The following MGAT4C variants were observed in gnomAD, a reference collection of about 807,000 sequenced individuals.
The protein encoded by MGAT4C is MGAT4 family member C.
MGAT4C carries 19 observed loss-of-function variants against 40.1 expected under a neutral mutation model. That is an observed-to-expected ratio of 0.47 (90% CI 0.33 to 0.70). The LOEUF (loss-of-function observed/expected upper bound fraction) is 0.70, where lower values mean the gene tolerates loss of function less well. MGAT4C is among the 30% of genes least tolerant of loss of function. MGAT4C has a pLI of 0.02. For missense variants in MGAT4C, 491 were observed against 563.2 expected (o/e 0.87, Z 1.30); for synonymous variants, 181 against 187.1 (o/e 0.97, Z 0.27).
intron 3 of MGAT4C, among the ~76,000 whole-genome samples, chr12:85,987,892 A>G (rs1393742696): frequency 6.6e-6 from 1 of 152,212 alleles, no homozygotes; most frequent in Non-Finnish European, 1.5e-5. Context: ...TACTTCTACC[A>G]GTAGACACAG....
At chr12:85,984,768 T>G (rs1343310001) in intron 3 of MGAT4C, among the ~76,000 whole-genome samples, 1 of 151,812 alleles carries the variant, frequency 6.6e-6, no homozygotes, top group African/African-American at 2.4e-5. Context: ...TACTATGTGG[T>G]TTTATTTATT....
intron 2 of MGAT4C, among the ~76,000 whole-genome samples, chr12:86,025,587 A>T (rs1289865773): frequency 6.6e-6 from 1 of 151,790 alleles, no homozygotes; most frequent in Non-Finnish European, 1.5e-5. Context: ...TAACATAAAG[A>T]TAGGGAAAAT....
rs1476000238 is a variant in MGAT4C at position 86,755,305 on chromosome 12, A to G, written c.-261-28064T>C. On this transcript the variant is annotated intron_variant, in intron 1 of 7. Transcript: ENST00000548651. ...TGTTAGCCCCACAACCATATGAGCC[A>G]CCTCCTTACAATAAATATTGTAATA... Among the ~76,000 whole-genome samples the G allele has an allele frequency of 6.6e-5, 10 of 152,234 alleles. No homozygotes were observed. In the South Asian group the frequency reaches 1.0e-3, roughly 16 times the overall value.
chr12:86,502,283 A>C (rs980323519), intron 2 of MGAT4C, among the ~76,000 whole-genome samples: 3 of 152,114 alleles, frequency 2.0e-5, no homozygotes. Context: ...ACTCTGTGAC[A>C]TTTTGGAAAG....
chr12:86,745,726 ATCT>A (rs1378084420), intron 1 of MGAT4C, among the ~76,000 whole-genome samples: 1 of 151,654 alleles, frequency 6.6e-6, no homozygotes, highest in Non-Finnish European at 1.5e-5. Context: ...CCATTAAAGT[ATCT>A]TCTTTTTAAT....
intron 2 of MGAT4C, among the ~76,000 whole-genome samples, chr12:86,584,669 C>T (rs532892295): frequency 5.3e-5 from 8 of 151,304 alleles, no homozygotes; most frequent in South Asian, 4.1e-4. Flanking sequence ...TCATTCAATG[C>T]GTATATATAC....
intron 2 of MGAT4C, among the ~76,000 whole-genome samples, chr12:86,498,145 T>C (rs1214192466): frequency 6.6e-6 from 1 of 151,246 alleles, no homozygotes; most frequent in Non-Finnish European, 1.5e-5. Flanking sequence ...TCACCAATAC[T>C]TTCTTTGGGG....
intron 2 of MGAT4C, among the ~76,000 whole-genome samples, chr12:86,535,781 T>C (rs1959058235): frequency 1.3e-5 from 2 of 152,096 alleles, no homozygotes; most frequent in Admixed American, 1.3e-4. Context: ...GAGTTTGGGA[T>C]TATCACATTT....
At chr12:86,689,913 C>A (rs2136595369) in intron 2 of MGAT4C, among the ~76,000 whole-genome samples, 1 of 152,310 alleles carries the variant, frequency 6.6e-6, no homozygotes, top group African/African-American at 2.4e-5. Flanking sequence ...GCTTAGCCCA[C>A]AACAACCCCT....
intron 1 of MGAT4C, among the ~76,000 whole-genome samples, chr12:86,211,551 T>A (rs1950470170): frequency 6.6e-6 from 1 of 151,222 alleles, no homozygotes; most frequent in Non-Finnish European, 1.5e-5. Flanking sequence ...TGCTCCACTG[T>A]GCTGCGGGCT....
At chr12:86,467,567 T>C (rs1957699833) in intron 2 of MGAT4C, among the ~76,000 whole-genome samples, 2 of 152,278 alleles carry the variant, frequency 1.3e-5, no homozygotes, top group South Asian at 4.1e-4. Context: ...GAGTTGCTTT[T>C]TTTATGTGTT....
chr12:86,774,319 C>CTTTCTTTCTTTCTTTCTTTCTT lies in MGAT4C; in HGVS notation c.-261-47079_-261-47078insAAGAAAGAAAGAAAGAAAGAAA, dbSNP rs1555227779. On this transcript the variant is annotated intron_variant, in intron 1 of 7. Coordinates refer to the MGAT4C transcript ENST00000548651. The stretch of plus-strand genomic sequence containing the variant: ...TCTTTCTTTCTTTCTTTCTTTCTTT[C>CTTTCTTTCTTTCTTTCTTTCTT]TTTCTTTCTTTCTTTCTTTCTGTCT... 1.6e-4 allele frequency among the ~76,000 whole-genome samples: 15 copies of CTTTCTTTCTTTCTTTCTTTCTT among 93,712 alleles called. 1 individual carries two copies. The highest frequency in any genetic ancestry group is 4.2e-4 in the South Asian group (1 of 2,362). The allele number at this position is 93,712 out of a possible 152,430, so 61.5% of individuals were successfully genotyped here.
At chr12:86,092,546 T>C (rs559989431) in intron 1 of MGAT4C, among the ~76,000 whole-genome samples, 3 of 152,248 alleles carry the variant, frequency 2.0e-5, no homozygotes, top group African/African-American at 7.2e-5. Context: ...AATATGAATA[T>C]GCAAAATATG....
At chr12:86,440,471 A>G (rs981084695) in intron 2 of MGAT4C, among the ~76,000 whole-genome samples, 4 of 152,108 alleles carry the variant, frequency 2.6e-5, no homozygotes, top group African/African-American at 9.7e-5. Flanking sequence ...CATAGAAGGA[A>G]CATACCTCAA....
At chr12:86,190,086 C>G (rs980397982) in intron 1 of MGAT4C, among the ~76,000 whole-genome samples, 1 of 151,906 alleles carries the variant, frequency 6.6e-6, no homozygotes, top group Non-Finnish European at 1.5e-5. Context: ...TAAATTGCAG[C>G]TTATCAGTGG....
chr12:85,981,491 G>A (rs1245349258), intron 4 of MGAT4C, among the ~76,000 whole-genome samples: 4 of 151,966 alleles, frequency 2.6e-5, no homozygotes, highest in South Asian at 2.1e-4. Flanking sequence ...TACACATTTC[G>A]TTTAAATACC....
chr12:86,296,315 A>T (rs975547355), intron 4 of MGAT4C, among the ~76,000 whole-genome samples: 2 of 152,118 alleles, frequency 1.3e-5, no homozygotes, highest in Admixed American at 6.5e-5. Flanking sequence ...CGTCCCCACC[A>T]GACTCAGGAG....
chr12:86,616,288 T>A (rs541026806), intron 2 of MGAT4C, among the ~76,000 whole-genome samples: 5 of 152,120 alleles, frequency 3.3e-5, no homozygotes, highest in African/African-American at 1.2e-4. Flanking sequence ...TTGTGATTGT[T>A]GAGTAGATAT....
At position 86,119,478 on chromosome 12, in the gene MGAT4C, G is replaced by A. The variant is rs12298413; in HGVS notation, c.-56-69755C>T. ...TCTTGCTCTGTTGCAGTGCAGTGGC[G>A]CGATCTGCAACCTCCACCTCCTGGG... On this transcript the variant is annotated intron_variant, in intron 1 of 4. Transcript: ENST00000611864. Among the ~76,000 whole-genome samples, 787 of 151,472 alleles carry A rather than the reference G, an allele frequency of 5.2e-3. 8 individuals carry two copies. The highest frequency in any genetic ancestry group is 0.018 in the African/African-American group (749 of 41,232).
Sources: allele counts gnomAD v4.1 joint callset (sites outside exome capture counted in the v4.1 genomes callset), GRCh38; gene constraint gnomAD v4.1.1; transcripts MANE v1.5; gene names NCBI Gene and HGNC (gene_info 2026-07-23, HGNC 2026-07-21).